The following EBF1 variants were observed in gnomAD, a reference collection of about 807,000 sequenced individuals.
The protein encoded by EBF1 is EBF transcription factor 1, also known as transcription factor COE1.
In EBF1, 10 loss-of-function variants were observed where a neutral mutation model predicts 68.4. That is an observed-to-expected ratio of 0.15 (90% CI 0.09 to 0.25). EBF1 has a LOEUF of 0.25. Among genes scored for constraint, EBF1 ranks in the 10% least tolerant of loss-of-function variants. The pLI is 1.00. For synonymous variants in EBF1, 298 were observed against 299.8 expected (o/e 0.99, Z 0.06); for missense variants, 509 against 794.4 (o/e 0.64, Z 4.32).
At chr5:158,861,144 T>C (rs1220969620) in intron 6 of EBF1, among the ~76,000 whole-genome samples, 1 of 152,128 alleles carries the variant, frequency 6.6e-6, no homozygotes, top group Non-Finnish European at 1.5e-5. Flanking sequence ...CCCTGGAGGA[T>C]TCAAGGTGAT....
intron 6 of EBF1, among the ~76,000 whole-genome samples, chr5:158,996,553 G>A (rs1761455695): frequency 1.3e-5 from 2 of 152,174 alleles, no homozygotes; most frequent in African/African-American, 2.4e-5. Flanking sequence ...TCAGTTCTGG[G>A]TGTACATTTC....
At chr5:158,775,209 A>T (rs1003237336) in intron 10 of EBF1, among the ~76,000 whole-genome samples, 9 of 147,490 alleles carry the variant, frequency 6.1e-5, no homozygotes, top group African/African-American at 2.0e-4. Flanking sequence ...ACTGATGGCA[A>T]TTTTTTTTTT....
chr5:158,977,754 A>G (rs532094737), intron 6 of EBF1, among the ~76,000 whole-genome samples: 2 of 152,358 alleles, frequency 1.3e-5, no homozygotes, highest in African/African-American at 2.4e-5. Flanking sequence ...TAAGAATGCC[A>G]TGGCGCTGAC....
intron 6 of EBF1, among the ~76,000 whole-genome samples, chr5:158,887,333 T>G (rs1800263309): frequency 6.6e-6 from 1 of 152,330 alleles, no homozygotes; most frequent in Non-Finnish European, 1.5e-5. Flanking sequence ...TAGAAATTCT[T>G]TGATCCTAAA....
At chr5:158,812,958 TTTC>T (rs2127803178) in intron 8 of EBF1, among the ~76,000 whole-genome samples, 1 of 152,296 alleles carries the variant, frequency 6.6e-6, no homozygotes, top group South Asian at 2.1e-4. Flanking sequence ...CCTAAAGGAC[TTTC>T]TTTTAAAAAT....
chr5:158,767,021 A>G (rs990580300), intron 10 of EBF1, among the ~76,000 whole-genome samples: 1 of 152,148 alleles, frequency 6.6e-6, no homozygotes, highest in African/African-American at 2.4e-5. Flanking sequence ...TCCTACTTTT[A>G]TTGTTAATAG....
At chr5:158,851,235 C>T (rs1350921740) in intron 6 of EBF1, among the ~76,000 whole-genome samples, 2 of 150,842 alleles carry the variant, frequency 1.3e-5, no homozygotes, top group Non-Finnish European at 3.0e-5. Flanking sequence ...ATTAGCCAGG[C>T]GTGGTGGTGC....
intron 6 of EBF1, among the ~76,000 whole-genome samples, chr5:158,937,929 C>T (rs1341109070): frequency 6.6e-6 from 1 of 152,176 alleles, no homozygotes; most frequent in Non-Finnish European, 1.5e-5. Context: ...GAAATATTCC[C>T]ATTCACTTCA....
intron 6 of EBF1, among the ~76,000 whole-genome samples, chr5:159,070,818 G>A (rs959603332): frequency 6.6e-6 from 1 of 152,136 alleles, no homozygotes; most frequent in Non-Finnish European, 1.5e-5. Context: ...AGGCCTCATA[G>A]CCTATTTTCA....
intron 11 of EBF1, among the ~76,000 whole-genome samples, chr5:158,728,129 C>T (rs1279365791): frequency 6.6e-6 from 1 of 152,164 alleles, no homozygotes; most frequent in African/African-American, 2.4e-5. Context: ...ACAGGAATAC[C>T]TTGTGCTGGC....
intron 6 of EBF1, among the ~76,000 whole-genome samples, chr5:158,923,678 A>C (rs1456669821): frequency 6.6e-6 from 1 of 152,180 alleles, no homozygotes; most frequent in Non-Finnish European, 1.5e-5. Flanking sequence ...AAATAGCTTA[A>C]ATCAAGAAAC....
intron 6 of EBF1, among the ~76,000 whole-genome samples, chr5:158,857,318 C>T (rs184617662): frequency 3.9e-5 from 6 of 152,180 alleles, no homozygotes; most frequent in African/African-American, 1.4e-4. Context: ...ACTCCCCTGG[C>T]TGTCCCCCAA....
At chr5:159,071,430 C>T (rs1777775432) in intron 6 of EBF1, among the ~76,000 whole-genome samples, 1 of 152,138 alleles carries the variant, frequency 6.6e-6, no homozygotes, top group Non-Finnish European at 1.5e-5. Flanking sequence ...GCATAAAGTG[C>T]ATACTTATTT....
intron 6 of EBF1, among the ~76,000 whole-genome samples, chr5:158,888,999 C>T (rs1024247277): frequency 6.6e-6 from 1 of 152,096 alleles, no homozygotes; most frequent in Non-Finnish European, 1.5e-5. Context: ...CCATCCCATC[C>T]ATGTATTTAG....
intron 6 of EBF1, among the ~76,000 whole-genome samples, chr5:159,020,326 G>A (rs968182311): frequency 7.2e-5 from 11 of 152,134 alleles, no homozygotes; most frequent in African/African-American, 2.7e-4. Context: ...GGCCGCAAGA[G>A]GCTCTAAGTC....
intron 8 of EBF1, among the ~76,000 whole-genome samples, chr5:158,811,273 C>A (rs1168311442): frequency 6.6e-6 from 1 of 152,126 alleles, no homozygotes; most frequent in Non-Finnish European, 1.5e-5. Context: ...ATAGATCTGG[C>A]TTTTCAATTT....
chr5:158,744,322 A>C (rs543078282), intron 10 of EBF1, among the ~76,000 whole-genome samples: 3 of 147,770 alleles, frequency 2.0e-5, no homozygotes, highest in African/African-American at 7.7e-5. Context: ...GAGACAAAAC[A>C]GGACAAATAC....
chr5:158,837,326 A>G (rs1789028114), intron 7 of EBF1, among the ~76,000 whole-genome samples: 1 of 152,258 alleles, frequency 6.6e-6, no homozygotes, highest in Non-Finnish European at 1.5e-5. Flanking sequence ...GCCCAGGTTG[A>G]GAAACCCTAG....
At chr5:158,883,762 T>G (rs1461020072) in intron 6 of EBF1, among the ~76,000 whole-genome samples, 1 of 152,182 alleles carries the variant, frequency 6.6e-6, no homozygotes, top group Non-Finnish European at 1.5e-5. Context: ...TGCCAAAGCC[T>G]GTGTGTCTCC....
Sources: gnomAD v4.1 joint callset for allele counts (sites outside exome capture counted in the v4.1 genomes callset) on GRCh38, gnomAD v4.1.1 for gene constraint, MANE v1.5 for transcripts, NCBI Gene and HGNC (gene_info 2026-07-23, HGNC 2026-07-21) for gene names.